PI4KA: variants seen among roughly 807,000 people sequenced by gnomAD.
PI4KA encodes PI4-kinase alpha.
A neutral mutation model predicts 271.4 loss-of-function variants in PI4KA; 122 were observed. The ratio of observed to expected loss-of-function variants is 0.45; its 90% CI spans 0.39 to 0.52. The LOEUF (loss-of-function observed/expected upper bound fraction) is 0.52. Ranked by LOEUF, PI4KA falls within the 20% of genes least tolerant of loss-of-function variation. The pLI is 0.00. For synonymous variants in PI4KA, 1,041 were observed against 1,078.8 expected (o/e 0.96, Z 0.69); for missense variants, 1,969 against 2,769.1 (o/e 0.71, Z 6.48).
chr22:20,715,926 T>C (rs564591141), intron 45 of PI4KA, among the ~76,000 whole-genome samples: 1 of 152,348 alleles, frequency 6.6e-6, no homozygotes, highest in South Asian at 2.1e-4. Flanking sequence ...AGTCTCACTC[T>C]GTCACCCAGG....
intron 1 of PI4KA, among the ~76,000 whole-genome samples, chr22:20,840,277 G>T (rs1261584259): frequency 6.6e-6 from 1 of 152,206 alleles, no homozygotes; most frequent in African/African-American, 2.4e-5. Context: ...GATCAAGAAG[G>T]AAGCCAGGAC....
At chr22:20,843,416 G>A (rs937805826) in intron 1 of PI4KA, among the ~76,000 whole-genome samples, 15 of 122,284 alleles carry the variant, frequency 1.2e-4, no homozygotes, top group Admixed American at 8.7e-4. Flanking sequence ...CTAGAGGATC[G>A]CTTGAGCCTA....
chr22:20,819,995 AC>A, intron 5 of PI4KA, 95 bp from the exon 6 acceptor site: 2 of 1,074,474 alleles, frequency 1.9e-6, no homozygotes, highest in Non-Finnish European at 2.8e-6. Context: ...AGATTTCACA[AC>A]CCACCCACTA....
At chr22:20,804,836 G>A (rs1043649489) in intron 11 of PI4KA, 138 bp downstream of exon 11, 9 of 702,822 alleles carry the variant, frequency 1.3e-5, no homozygotes, top group Middle Eastern at 4.1e-4. Context: ...CACTCTGCAC[G>A]TGCCCAGGAG....
Position 20,753,198 on chromosome 22 carries a change from C to A in PI4KA, c.2792-18G>T, listed in dbSNP as rs187363491. The stretch of plus-strand genomic sequence containing the variant: ...CATCATCCCTGAAACGAGAAGGTTT[C>A]CATGGATAAGGTGCAGCAACAGAGA... On this transcript the variant is annotated intron_variant, in intron 23 of 54. Coordinates refer to ENST00000255882, the MANE Select transcript of PI4KA (RefSeq NM_058004.4). The A allele has an allele frequency of 1.2e-5, 20 of 1,608,692 alleles. No individual in the cohort carries two copies. The Admixed American group carries it at 2.3e-4, about 19-fold the overall frequency.
intron 32 of PI4KA, among the ~76,000 whole-genome samples, chr22:20,738,973 C>A (rs1929056883): frequency 7.1e-6 from 1 of 141,584 alleles, no homozygotes; most frequent in Non-Finnish European, 1.5e-5. Context: ...GAGGCCGAGG[C>A]AGGCGGATCA....
At chr22:20,850,880 A>C (rs191622531) in intron 1 of PI4KA, among the ~76,000 whole-genome samples, 22 of 152,034 alleles carry the variant, frequency 1.4e-4, no homozygotes, top group African/African-American at 5.1e-4. Flanking sequence ...TCTCTAAAAA[A>C]ATTTTTCTTT....
chr22:20,817,235 T>C (rs1314297989), intron 7 of PI4KA, among the ~76,000 whole-genome samples: 11 of 152,172 alleles, frequency 7.2e-5, no homozygotes, highest in Admixed American at 7.2e-4. Context: ...CATGCTCTTT[T>C]AACAAATAGC....
At chr22:20,773,155 A>G (rs898544930) in intron 19 of PI4KA, among the ~76,000 whole-genome samples, 1 of 152,022 alleles carries the variant, frequency 6.6e-6, no homozygotes, top group Non-Finnish European at 1.5e-5. Context: ...GGAGGCCGAG[A>G]CGGGAGGATC....
At chr22:20,813,093 C>T (rs981005433) in intron 8 of PI4KA, among the ~76,000 whole-genome samples, 4 of 152,208 alleles carry the variant, frequency 2.6e-5, no homozygotes, top group East Asian at 1.9e-4. Flanking sequence ...ATATCCATGA[C>T]GTGTTTGACA....
chr22:20,729,695 G>C lies in PI4KA; in HGVS notation c.4425C>G (p.Thr1475=), dbSNP rs1013445722. 1.1e-5 allele frequency: 17 copies of C among 1,591,972 alleles called. No individual in the cohort carries two copies. The highest frequency in any genetic ancestry group is 1.5e-5 in the Non-Finnish European group (17 of 1,167,474). ...ISKKSGMSKK[T]NRGSQLHKYY... ...ATTTGTGCAGCTGGGAGCCCCGGTT[G>C]GTTTTCTTAGACATGCCTAGGAGGA... The change falls in exon 38 of 55, where the codon ACC becomes ACG. Residue 1475 remains threonine (T), a synonymous_variant. Transcript: ENST00000255882.
rs549885737 is a variant in PI4KA, at chr22:20,796,139, T to C, written c.2277+7A>G. ...GATGGGGAAGGCATAGCCATCCTCC[T>C]TCCTACCTTTAGGGCAGGGCCCTTC... On this transcript the variant is annotated splice_region_variant and intron_variant, in intron 18 of 54. Transcript: ENST00000255882. 1 of 1,609,888 alleles carries C rather than the reference T, an allele frequency of 6.2e-7. No individual in the cohort carries two copies. Among genetic ancestry groups the C allele is most frequent in the East Asian group, 2.2e-5 (1 of 44,706 alleles).
chr22:20,762,015 T>C (rs1932017915), intron 22 of PI4KA, among the ~76,000 whole-genome samples: 1 of 152,238 alleles, frequency 6.6e-6, no homozygotes, highest in African/African-American at 2.4e-5. Context: ...ATCTTTAGTA[T>C]CTTCTGTACT....
intron 19 of PI4KA, among the ~76,000 whole-genome samples, chr22:20,773,214 C>T (rs965742797): frequency 2.0e-5 from 3 of 152,122 alleles, no homozygotes; most frequent in South Asian, 2.1e-4. Context: ...AGTGAAACCC[C>T]GTCTCTACTA....
intron 43 of PI4KA, 118 bp downstream of exon 43, chr22:20,721,180 G>T: frequency 2.0e-6 from 2 of 1,020,774 alleles, no homozygotes; most frequent in Non-Finnish European, 3.0e-6. Context: ...AAGGGTGGGA[G>T]TGGAGGGGTC....
At position 20,813,446 on chromosome 22, in the gene PI4KA, G is replaced by C; in HGVS notation, c.917C>G (p.Ser306Cys). The change falls in exon 8 of 55, where the codon TCC becomes TGC. Residue 306 changes from serine (S) to cysteine (C), a missense_variant. Physicochemically the swap from Ser to Cys is moderately radical, Grantham distance 112. Coordinates refer to ENST00000255882, the MANE Select transcript of PI4KA (RefSeq NM_058004.4). ...GAAAAGGGGAGAGACTGAGAAGCTG[G>C]AGCTGATGGTTGAAAAGTAGTACTC... is the stretch of plus-strand genomic sequence containing the variant. Reference protein sequence around the residue: ...EPEYYFSTISSSFSVSPLFNG... With the variant: ...EPEYYFSTISCSFSVSPLFNG... 1.2e-6 allele frequency: 2 copies of C among 1,613,756 alleles called. No individual in the cohort carries two copies. The highest frequency in any genetic ancestry group is 8.5e-7 in the Non-Finnish European group (1 of 1,179,684).
intron 18 of PI4KA, among the ~76,000 whole-genome samples, chr22:20,793,711 C>A (rs1056400359): frequency 6.6e-6 from 1 of 152,166 alleles, no homozygotes; most frequent in African/African-American, 2.4e-5. Flanking sequence ...GGGATAAGTG[C>A]TTTTTACTTT....
At chr22:20,840,307 C>T (rs1302355595) in intron 1 of PI4KA, among the ~76,000 whole-genome samples, 4 of 152,238 alleles carry the variant, frequency 2.6e-5, no homozygotes, top group Admixed American at 6.5e-5. Flanking sequence ...AAGGCTGCTG[C>T]TGCAGCAGCA....
At chr22:20,815,470 G>A (rs1456855648) in intron 7 of PI4KA, among the ~76,000 whole-genome samples, 2 of 151,138 alleles carry the variant, frequency 1.3e-5, no homozygotes, top group Non-Finnish European at 2.9e-5. Flanking sequence ...TCATAAGACA[G>A]TATCAATTCA....
Sources: gnomAD v4.1 joint callset for allele counts (sites outside exome capture counted in the v4.1 genomes callset) on GRCh38, gnomAD v4.1.1 for gene constraint, MANE v1.5 for transcripts, NCBI Gene and HGNC (gene_info 2026-07-23, HGNC 2026-07-21) for gene names.